Variants in RMDN2 observed in about 807,000 individuals in gnomAD.
RMDN2 encodes regulator of microtubule dynamics protein 2.
In RMDN2, 61 loss-of-function variants were observed where a neutral mutation model predicts 52.8. That is an observed-to-expected ratio of 1.16 (90% confidence interval 0.94 to 1.43). RMDN2 has a LOEUF of 1.43. RMDN2 is among the 40% of genes most tolerant of loss of function. RMDN2 has a pLI of 0.00. For synonymous variants in RMDN2, 180 were observed against 153.1 expected (o/e 1.18, Z -1.30); for missense variants, 592 against 475.3 (o/e 1.25, Z -2.28).
At chr2:37,984,772 G>T (rs1673776305) in intron 5 of RMDN2, among the ~76,000 whole-genome samples, 1 of 151,942 alleles carries the variant, frequency 6.6e-6, no homozygotes, top group Non-Finnish European at 1.5e-5. Context: ...TAGTTAGAAT[G>T]ACCTCTAGAT....
chr2:38,039,149 T>A (rs750840089), intron 10 of RMDN2, among the ~76,000 whole-genome samples: 1 of 152,132 alleles, frequency 6.6e-6, no homozygotes, highest in African/African-American at 2.4e-5. Flanking sequence ...TAATTTTAAC[T>A]ATATTCATAT....
intron 2 of RMDN2, among the ~76,000 whole-genome samples, chr2:37,965,090 C>T (rs565912202): frequency 8.6e-5 from 13 of 151,950 alleles, no homozygotes; most frequent in Non-Finnish European, 1.8e-4. Flanking sequence ...GTTTTTCTGT[C>T]CTTCCATATT....
intron 10 of RMDN2, among the ~76,000 whole-genome samples, chr2:38,059,601 G>C (rs1243877709): frequency 6.6e-6 from 1 of 152,192 alleles, no homozygotes; most frequent in Non-Finnish European, 1.5e-5. Flanking sequence ...AAAAAGTAGA[G>C]CAAGGTAGGC....
intron 2 of RMDN2, among the ~76,000 whole-genome samples, chr2:37,956,496 T>C (rs890991624): frequency 2.0e-5 from 3 of 152,134 alleles, no homozygotes; most frequent in African/African-American, 7.2e-5. Flanking sequence ...CTTGGTTTCA[T>C]TGATTTCCTC....
chr2:37,964,368 G>A (rs1670751804), intron 2 of RMDN2, among the ~76,000 whole-genome samples: 2 of 152,232 alleles, frequency 1.3e-5, no homozygotes, highest in East Asian at 3.9e-4. Context: ...ATAAGTTTTT[G>A]GTATGTTATG....
intron 10 of RMDN2, among the ~76,000 whole-genome samples, chr2:38,031,175 T>C (rs78101072): frequency 0.016 from 2,466 of 152,138 alleles, 186 homozygotes; most frequent in Admixed American, 0.12. Context: ...AGGTGCCCTG[T>C]ACTACTTAAG....
intron 5 of RMDN2, among the ~76,000 whole-genome samples, chr2:37,988,545 T>C (rs1489185670): frequency 6.6e-6 from 1 of 152,224 alleles, no homozygotes; most frequent in Non-Finnish European, 1.5e-5. Flanking sequence ...CGTTTGTGTC[T>C]AGGAATGGTC....
intron 5 of RMDN2, among the ~76,000 whole-genome samples, chr2:37,986,683 A>C (rs1032043416): frequency 6.6e-6 from 1 of 152,164 alleles, no homozygotes; most frequent in African/African-American, 2.4e-5. Context: ...AAAAAATTAC[A>C]TGATTATTTT....
At chr2:37,962,117 G>A (rs919149455) in intron 2 of RMDN2, among the ~76,000 whole-genome samples, 4 of 152,196 alleles carry the variant, frequency 2.6e-5, no homozygotes, top group African/African-American at 9.7e-5. Context: ...TCCTATATGA[G>A]GTGTCTGTCA....
At chr2:38,004,110 T>C in intron 9 of RMDN2, 26 bp from the exon 10 acceptor site, 1 of 1,608,768 alleles carries the variant, frequency 6.2e-7, no homozygotes, top group Non-Finnish European at 8.5e-7. Context: ...GGATTATGTT[T>C]AATATTGGTT....
intron 8 of RMDN2, among the ~76,000 whole-genome samples, chr2:37,999,140 T>G (rs1675969791): frequency 6.6e-6 from 1 of 152,190 alleles, no homozygotes; most frequent in South Asian, 2.1e-4. Flanking sequence ...CCTGAAATAA[T>G]ACACAGATGA....
intron 3 of RMDN2, 24 bp downstream of exon 3, chr2:37,974,238 T>C: frequency 6.8e-7 from 1 of 1,475,514 alleles, no homozygotes; most frequent in South Asian, 1.4e-5. Context: ...CAATAGCACT[T>C]CGTATAGTTC....
intron 7 of RMDN2, among the ~76,000 whole-genome samples, chr2:37,996,601 GAAAAAAAA>G (rs1161536445): frequency 1.7e-5 from 1 of 58,006 alleles, no homozygotes; most frequent in Admixed American, 2.7e-4. Context: ...AAAAAAAAAA[GAAAAAAAA>G]AAAAAAAAAG....
intron 7 of RMDN2, among the ~76,000 whole-genome samples, chr2:37,992,177 T>A (rs990469522): frequency 1.8e-4 from 28 of 152,242 alleles, no homozygotes; most frequent in Admixed American, 1.0e-3. Flanking sequence ...TGAGTCTTCA[T>A]GATGTTAAGA....
intron 2 of RMDN2, among the ~76,000 whole-genome samples, chr2:37,933,197 C>T (rs1396785911): frequency 5.9e-5 from 9 of 151,926 alleles, no homozygotes; most frequent in Non-Finnish European, 1.3e-4. Context: ...AGATGCTCCT[C>T]ACTTCCCAGA....
chr2:37,965,036 A>G (rs1384072986), intron 2 of RMDN2, among the ~76,000 whole-genome samples: 4 of 152,124 alleles, frequency 2.6e-5, no homozygotes, highest in African/African-American at 7.2e-5. Flanking sequence ...GTCTACTAGT[A>G]TAGCCACTCC....
chr2:37,940,779 T>C (rs557677469), intron 2 of RMDN2, among the ~76,000 whole-genome samples: 1 of 152,310 alleles, frequency 6.6e-6, no homozygotes, highest in South Asian at 2.1e-4. Context: ...TTATTCTCAT[T>C]AGCAATTTCT....
chr2:37,980,494 G>C (rs1234629571), intron 4 of RMDN2, among the ~76,000 whole-genome samples: 1 of 152,110 alleles, frequency 6.6e-6, no homozygotes, highest in African/African-American at 2.4e-5. Flanking sequence ...AGTAGAGACA[G>C]GGTTTCGCCA....
At chr2:38,042,277 C>T (rs554853392) in intron 10 of RMDN2, among the ~76,000 whole-genome samples, 4 of 152,080 alleles carry the variant, frequency 2.6e-5, no homozygotes, top group East Asian at 1.9e-4. Flanking sequence ...AAATGCCTTG[C>T]GATCAGTACT....
Sources: allele counts gnomAD v4.1 joint callset (sites outside exome capture counted in the v4.1 genomes callset), GRCh38; gene constraint gnomAD v4.1.1; transcripts MANE v1.5; gene names NCBI Gene and HGNC (gene_info 2026-07-23, HGNC 2026-07-21).